The following KLHL29 variants were observed in gnomAD, a reference collection of about 807,000 sequenced individuals.
KLHL29 encodes kelch like family member 29.
Under a neutral mutation model 80.4 loss-of-function variants are expected in KLHL29, and 21 were observed. The ratio of observed to expected loss-of-function variants is 0.26; its 90% CI spans 0.19 to 0.38. The LOEUF is 0.38. Ranked by LOEUF, KLHL29 falls within the 10% of genes least tolerant of loss-of-function variation. KLHL29 has a pLI of 1.00. For missense variants in KLHL29, 867 were observed against 1,223.9 expected, an observed-to-expected ratio of 0.71 and a Z score of 4.35; for synonymous variants, 511 against 526.8, an observed-to-expected ratio of 0.97 and a Z score of 0.41.
chr2:23,468,352 G>A (rs1484674703), intron 1 of KLHL29, among the ~76,000 whole-genome samples: 1 of 152,176 alleles, frequency 6.6e-6, no homozygotes, highest in Non-Finnish European at 1.5e-5. Flanking sequence ...AGGTGGTGCT[G>A]TGCAGACCAG....
chr2:23,485,924 T>C (rs1400657843), intron 2 of KLHL29, among the ~76,000 whole-genome samples: 1 of 152,234 alleles, frequency 6.6e-6, no homozygotes, highest in African/African-American at 2.4e-5. Context: ...TTTGCTCTTA[T>C]TATTCTAAAA....
rs552629353 is a variant in KLHL29, at chr2:23,551,459, G to A, written c.-45-10693G>A. The stretch of plus-strand genomic sequence containing the variant: ...TCTTTTAATATTGTTCATCTAAAAC[G>A]GGCACTAGTACTGCTTTTCCAAGAC... On this transcript the variant is annotated intron_variant, in intron 2 of 13. Transcript: ENST00000486442. Among the ~76,000 whole-genome samples, 39 of 152,284 alleles carry A rather than the reference G, an allele frequency of 2.6e-4. No homozygotes were observed. In the South Asian group the frequency reaches 7.7e-3, roughly 30 times the overall value.
intron 2 of KLHL29, among the ~76,000 whole-genome samples, chr2:23,507,997 A>G (rs1665652880): frequency 6.6e-6 from 1 of 152,206 alleles, no homozygotes; most frequent in Admixed American, 6.5e-5. Context: ...AGGCCATAGA[A>G]GTTAGTGTTG....
chr2:23,435,809 A>G (rs986941101), intron 1 of KLHL29, among the ~76,000 whole-genome samples: 3 of 150,964 alleles, frequency 2.0e-5, no homozygotes, highest in African/African-American at 7.3e-5. Context: ...AGGCCTGGTG[A>G]GGTGTTTGGA....
At chr2:23,533,219 A>C (rs1362532831) in intron 2 of KLHL29, among the ~76,000 whole-genome samples, 1 of 152,178 alleles carries the variant, frequency 6.6e-6, no homozygotes, top group African/African-American at 2.4e-5. Context: ...GAGTGTGTGC[A>C]GATCTGTGTG....
intron 2 of KLHL29, among the ~76,000 whole-genome samples, chr2:23,487,350 G>A (rs1282919499): frequency 2.0e-5 from 3 of 152,136 alleles, no homozygotes; most frequent in South Asian, 2.1e-4. Context: ...GGCAGGAGGG[G>A]ACGTCTTCTG....
At chr2:23,448,930 G>A (rs985365070) in intron 1 of KLHL29, among the ~76,000 whole-genome samples, 11 of 152,134 alleles carry the variant, frequency 7.2e-5, no homozygotes, top group African/African-American at 2.7e-4. Context: ...AAAGGAATAG[G>A]TCGTTGTCAT....
chr2:23,572,784 T>C (rs1384887889), intron 3 of KLHL29, among the ~76,000 whole-genome samples: 1 of 150,782 alleles, frequency 6.6e-6, no homozygotes, highest in Non-Finnish European at 1.5e-5. Context: ...CACTGCAAGC[T>C]CTGCTTCCCG....
rs1669982898 is a variant in KLHL29, at chr2:23,647,907, C to G, written c.940+5057C>G. Among the ~76,000 whole-genome samples, 3 of 152,132 alleles carry G rather than the reference C, an allele frequency of 2.0e-5. No individual in the cohort carries two copies. The highest frequency in any genetic ancestry group is 1.3e-4 in the Admixed American group (2 of 15,286). On this transcript the variant is annotated intron_variant, in intron 5 of 13. Coordinates refer to ENST00000486442, the MANE Select transcript of KLHL29 (RefSeq NM_052920.2). The surrounding 1 kb of genome is among the most constrained non-coding windows in gnomAD (Gnocchi z 4.9). ...AGGATGCTATTTCATCCCCACTCCC[C>G]CCTCAGTATCCAAGCCGGTACCAGC...
In KLHL29 at chr2:23,572,457, CATTT is replaced by C. The variant is rs150692026; in HGVS notation, c.285+9985_285+9988del. On this transcript the variant is annotated intron_variant, in intron 3 of 13. Coordinates refer to ENST00000486442, the MANE Select transcript of KLHL29 (RefSeq NM_052920.2). ...ACATGAATATTATGTGAAACTTACC[CATTT>C]ATTTATTTGTCTCCTTATGAGGCAG... Among the ~76,000 whole-genome samples the C allele has an allele frequency of 9.2e-5, 14 of 152,282 alleles. No individual in the cohort carries two copies. The East Asian group carries it at 2.5e-3, about 27-fold the overall frequency.
At chr2:23,672,112 G>A (rs1330376526) in intron 5 of KLHL29, 1 of 152,298 alleles carries the variant, frequency 6.6e-6, no homozygotes, top group Non-Finnish European at 1.5e-5. Flanking sequence ...CGGCCACCAT[G>A]GCCATCACTG....
chr2:23,436,459 T>C (rs1663346653), intron 1 of KLHL29, among the ~76,000 whole-genome samples: 1 of 152,126 alleles, frequency 6.6e-6, no homozygotes, highest in Non-Finnish European at 1.5e-5. Flanking sequence ...AGACACCGCC[T>C]GGAAGCCTTC....
At chr2:23,439,061 T>G (rs368904906) in intron 1 of KLHL29, among the ~76,000 whole-genome samples, 12 of 150,094 alleles carry the variant, frequency 8.0e-5, no homozygotes, top group Admixed American at 5.3e-4. Context: ...GTCGAGGAAT[T>G]TATCCATTTC....
In KLHL29 at chr2:23,385,585, G is replaced by A. The variant is rs2103377520; in HGVS notation, c.-349G>A. 1 of 170,574 alleles carries A rather than the reference G, an allele frequency of 5.9e-6. No individual in the cohort carries two copies. Among genetic ancestry groups the A allele is most frequent in the African/African-American group, 2.4e-5 (1 of 41,510 alleles). 10.6% of individuals were successfully genotyped at this position (170,574 alleles called of 1,614,324 possible). A position where few individuals can be genotyped will look rare whatever the true frequency, so the allele number is the denominator to read the frequency against. ...CCGGGAGGCGGCGGCGGCGGAGGAG[G>A]AGGAGGAACGAGGGGAGAAGGCGGA... On this transcript the variant is annotated 5_prime_UTR_variant, in exon 1 of 14. Coordinates refer to ENST00000486442, the MANE Select transcript of KLHL29 (RefSeq NM_052920.2).
At position 23,695,214 on chromosome 2, in the gene KLHL29, ACCT is replaced by A; in HGVS notation, c.1543-408_1543-406del. Among the ~76,000 whole-genome samples the A allele has an allele frequency of 6.6e-6, 1 of 152,176 alleles. No individual in the cohort carries two copies. Among genetic ancestry groups the A allele is most frequent in the Admixed American group, 6.5e-5 (1 of 15,298 alleles). On this transcript the variant is annotated intron_variant, in intron 8 of 13. Coordinates refer to ENST00000486442, the MANE Select transcript of KLHL29 (RefSeq NM_052920.2). The surrounding 1 kb of genome is among the most constrained non-coding windows in gnomAD (Gnocchi z 7.6). Reference sequence around the variant, plus strand: ...CCTTGAAGCTTTCCTGGGTCCTCCCACCTGTTCCTGAGTCCTTGTCACACTCAC... The same window carrying A: ...CCTTGAAGCTTTCCTGGGTCCTCCCAGTTCCTGAGTCCTTGTCACACTCAC...
chr2:23,706,483 C>G lies in KLHL29; in HGVS notation c.2447C>G (p.Ala816Gly). ...NMNHSRQFCS[A>G]VVLDGKIYAT... ...CTGTCCCCGCTTTCCCCCAACAGTG[C>G]TGTGGTGCTTGATGGCAAGATTTAT... The change falls in exon 14 of 14, where the codon GCT becomes GGT. Residue 816 changes from alanine to glycine, a missense_variant and splice_region_variant. Physicochemically the swap from Ala to Gly is moderately conservative, Grantham distance 60. This residue lies in a region of KLHL29 where 443 missense variants were observed against 767.0 expected (regional missense o/e 0.58). Coordinates refer to ENST00000486442, the MANE Select transcript of KLHL29 (RefSeq NM_052920.2). 9 of 1,524,704 alleles carry G rather than the reference C, an allele frequency of 5.9e-6. No homozygotes were observed. Among genetic ancestry groups the G allele is most frequent in the Non-Finnish European group, 7.9e-6 (9 of 1,140,210 alleles). The allele number at this position is 1,524,704 out of a possible 1,614,324, so 94.4% of individuals were successfully genotyped here. A position where few individuals can be genotyped will look rare whatever the true frequency, so the allele number is the denominator to read the frequency against.
In KLHL29 at chr2:23,649,090, C is replaced by T. The variant is rs76138331; in HGVS notation, c.940+6240C>T. Among the ~76,000 whole-genome samples, 996 of 152,254 alleles carry T rather than the reference C, an allele frequency of 6.5e-3. 10 individuals are homozygous for T. The highest frequency in any genetic ancestry group is 0.023 in the African/African-American group (960 of 41,528). On this transcript the variant is annotated intron_variant, in intron 5 of 13. Coordinates refer to ENST00000486442, the MANE Select transcript of KLHL29 (RefSeq NM_052920.2). Reference sequence around the variant, plus strand: ...TCCTAAAGATTCTTGGAGGAGAAATCGGGTCTGGAGCACCTTAGCCTCAGG... The same window carrying T: ...TCCTAAAGATTCTTGGAGGAGAAATTGGGTCTGGAGCACCTTAGCCTCAGG...
At chr2:23,633,303 T>C (rs1484515631) in intron 3 of KLHL29, among the ~76,000 whole-genome samples, 3 of 152,218 alleles carry the variant, frequency 2.0e-5, no homozygotes, top group African/African-American at 7.2e-5. Context: ...ACTTTAGTTC[T>C]GGCATTTATG....
In KLHL29 at chr2:23,596,131, C is replaced by T. The variant is rs1441625946; in HGVS notation, c.285+33650C>T. On this transcript the variant is annotated intron_variant, in intron 3 of 13. Coordinates refer to ENST00000486442, the MANE Select transcript of KLHL29 (RefSeq NM_052920.2). The surrounding 1 kb of genome is among the most constrained non-coding windows in gnomAD (Gnocchi z 4.4). ...GGGTCTGTTGGTGGTTTGAACTGAG[C>T]CGCATACAATAGAGCACCCTCGGCA... Among the ~76,000 whole-genome samples, 1 of 152,152 alleles carries T rather than the reference C, an allele frequency of 6.6e-6. No individual in the cohort carries two copies. Among genetic ancestry groups the T allele is most frequent in the Non-Finnish European group, 1.5e-5 (1 of 68,036 alleles).
Sources: gnomAD v4.1 joint callset for allele counts (sites outside exome capture counted in the v4.1 genomes callset) on GRCh38, gnomAD v4.1.1 for gene constraint, gnomAD v4.1.1 regional missense constraint, Gnocchi (gnomAD v3.1) non-coding constraint, MANE v1.5 for transcripts, NCBI Gene and HGNC (gene_info 2026-07-23, HGNC 2026-07-21) for gene names.